ZBTB20: variants seen among roughly 807,000 people sequenced by gnomAD.
ZBTB20 encodes the protein zinc finger and BTB domain containing 20.
In ZBTB20, 9 loss-of-function variants were observed where a neutral mutation model predicts 56.9. The observed-to-expected ratio is 0.16, with a 90% CI of 0.10 to 0.28. The LOEUF is 0.28. ZBTB20 is among the 10% of genes least tolerant of loss of function. The pLI is 1.00. For missense variants in ZBTB20, 655 were observed against 1,003.0 expected, an observed-to-expected ratio of 0.65 and a Z score of 4.69; for synonymous variants, 417 against 420.7, an observed-to-expected ratio of 0.99 and a Z score of 0.11.
At chr3:114,349,460 TGA>T (rs1439183380) in intron 11 of ZBTB20, among the ~76,000 whole-genome samples, 2 of 152,228 alleles carry the variant, frequency 1.3e-5, no homozygotes, top group Non-Finnish European at 2.9e-5. Flanking sequence ...TTGCCCATCT[TGA>T]TGACTGAATC....
intron 6 of ZBTB20, among the ~76,000 whole-genome samples, chr3:114,682,296 T>A (rs2062023300): frequency 6.6e-6 from 1 of 152,206 alleles, no homozygotes; most frequent in Admixed American, 6.5e-5. Flanking sequence ...AAATTACTTC[T>A]AGACGATTGT....
At chr3:114,565,771 C>T (rs895295136) in intron 6 of ZBTB20, among the ~76,000 whole-genome samples, 1 of 152,010 alleles carries the variant, frequency 6.6e-6, no homozygotes, top group Non-Finnish European at 1.5e-5. Flanking sequence ...CTCACCCCAA[C>T]AAAACCTTTT....
chr3:115,006,948 G>C (rs1021277766), intron 2 of ZBTB20, among the ~76,000 whole-genome samples: 1 of 151,584 alleles, frequency 6.6e-6, no homozygotes, highest in Non-Finnish European at 1.5e-5. Flanking sequence ...AAAAACTCGA[G>C]GTAACTTCTT....
rs1175356847 is a variant in ZBTB20 at position 114,318,967 on chromosome 3, C to A, written c.*20038G>T. On this transcript the variant is annotated 3_prime_UTR_variant, in exon 12 of 12. Coordinates refer to ENST00000675478, the MANE Select transcript of ZBTB20 (RefSeq NM_001348800.3). ...TTTTTTCTCTAAAAAAAGAATAAAA[C>A]AAGAACAATCCCTTTACTTACTCAT... is the stretch of plus-strand genomic sequence containing the variant. The A allele has an allele frequency of 3.3e-5, 5 of 151,942 alleles. No individual in the cohort carries two copies. The South Asian group carries it at 1.0e-3, about 32-fold the overall frequency. 9.4% of individuals were successfully genotyped at this position (151,942 alleles called of 1,614,324 possible).
At chr3:114,862,093 T>G (rs1416461238) in intron 4 of ZBTB20, among the ~76,000 whole-genome samples, 2 of 152,184 alleles carry the variant, frequency 1.3e-5, no homozygotes, top group Admixed American at 1.3e-4. Flanking sequence ...CACTGAGGTA[T>G]TTTTTTGGTA....
At chr3:114,967,461 A>G (rs966101958) in intron 3 of ZBTB20, among the ~76,000 whole-genome samples, 3 of 152,196 alleles carry the variant, frequency 2.0e-5, no homozygotes, top group African/African-American at 7.2e-5. Flanking sequence ...TCTTCAGTGT[A>G]CATTTGCAAA....
chr3:114,710,383 C>T (rs559087192), intron 5 of ZBTB20: 1 of 152,238 alleles, frequency 6.6e-6, no homozygotes, highest in South Asian at 2.1e-4. Context: ...TTCCTCTGAA[C>T]TCCTGTCTCA....
intron 2 of ZBTB20, among the ~76,000 whole-genome samples, chr3:114,988,510 T>C (rs1158435249): frequency 1.3e-5 from 2 of 152,114 alleles, no homozygotes; most frequent in Non-Finnish European, 2.9e-5. Flanking sequence ...TTGATGGACA[T>C]TTGGGTTGAT....
intron 9 of ZBTB20, among the ~76,000 whole-genome samples, 153 bp from the exon 10 acceptor site, chr3:114,380,557 GT>G (rs34414918): frequency 1.3e-5 from 2 of 151,496 alleles, no homozygotes; most frequent in South Asian, 4.2e-4. Flanking sequence ...GCTGATTCTT[GT>G]TTTTTTTCCC....
chr3:114,641,006 A>G (rs2059529255), intron 6 of ZBTB20, among the ~76,000 whole-genome samples: 1 of 151,980 alleles, frequency 6.6e-6, no homozygotes. Flanking sequence ...TCTACTATTT[A>G]CTCGGTGTGC....
chr3:115,047,352 A>C (rs1178398253), intron 2 of ZBTB20, among the ~76,000 whole-genome samples: 2 of 152,220 alleles, frequency 1.3e-5, no homozygotes, highest in Non-Finnish European at 2.9e-5. Context: ...AACCAGAGGA[A>C]TCAGGAAGAA....
intron 6 of ZBTB20, among the ~76,000 whole-genome samples, chr3:114,569,836 T>G (rs2053218121): frequency 6.6e-6 from 1 of 151,616 alleles, no homozygotes; most frequent in South Asian, 2.1e-4. Flanking sequence ...CCATCTCTGT[T>G]GCACAGATGA....
chr3:114,693,096 T>G lies in ZBTB20; in HGVS notation c.-295+432A>C, dbSNP rs556556593. On this transcript the variant is annotated intron_variant, in intron 6 of 11. Transcript: ENST00000675478. ...TGTGTTTGGAGGGTTTTGAGTTTTT[T>G]CAAAACATACAATGTTCCACACAGG... Among the ~76,000 whole-genome samples the G allele has an allele frequency of 2.0e-5, 3 of 152,286 alleles. No individual in the cohort carries two copies. The South Asian group carries it at 6.2e-4, about 32-fold the overall frequency.
chr3:114,585,397 A>G (rs1368940623), intron 6 of ZBTB20, among the ~76,000 whole-genome samples: 1 of 152,156 alleles, frequency 6.6e-6, no homozygotes, highest in South Asian at 2.1e-4. Flanking sequence ...GACAAAAACT[A>G]TGTGTAGAGC....
Position 114,536,015 on chromosome 3 carries a change from T to C in ZBTB20, c.-294-35624A>G, listed in dbSNP as rs139874223. 2.3e-3 allele frequency among the ~76,000 whole-genome samples: 343 copies of C among 152,314 alleles called. 4 individuals are homozygous for C. The highest frequency in any genetic ancestry group is 7.9e-3 in the African/African-American group (329 of 41,570). ...ACGTATCTCAAAATAATAAGGGCTATTTATGACAAATCCACAGCCAATACC... is the reference window on the plus strand; with the variant it reads ...ACGTATCTCAAAATAATAAGGGCTACTTATGACAAATCCACAGCCAATACC... On this transcript the variant is annotated intron_variant, in intron 6 of 11. Transcript: ENST00000675478.
intron 6 of ZBTB20, among the ~76,000 whole-genome samples, chr3:114,691,415 A>G (rs2062690309): frequency 6.6e-6 from 1 of 152,052 alleles, no homozygotes. Context: ...CATTATAGTA[A>G]TTTGTTTATA....
At chr3:114,526,025 T>C (rs932768834) in intron 6 of ZBTB20, among the ~76,000 whole-genome samples, 1 of 152,332 alleles carries the variant, frequency 6.6e-6, no homozygotes, top group East Asian at 1.9e-4. Flanking sequence ...AAGATCATCA[T>C]CCTCCTTGAT....
At position 114,994,256 on chromosome 3, in the gene ZBTB20, G is replaced by C. The variant is rs72960367; in HGVS notation, c.-506-19840C>G. 5.9e-3 allele frequency among the ~76,000 whole-genome samples: 897 copies of C among 151,828 alleles called. 12 individuals are homozygous for C. The highest frequency in any genetic ancestry group is 0.021 in the African/African-American group (868 of 41,464). On this transcript the variant is annotated intron_variant, in intron 2 of 11. Coordinates refer to ENST00000675478, the MANE Select transcript of ZBTB20 (RefSeq NM_001348800.3). ...GAAATGTAAGAAAAATATGTAATTA[G>C]AAATAGAAAACCTGAATAAATTTAT... is the stretch of plus-strand genomic sequence containing the variant.
intron 5 of ZBTB20, among the ~76,000 whole-genome samples, chr3:114,727,205 A>C (rs1354921659): frequency 6.6e-6 from 1 of 152,152 alleles, no homozygotes; most frequent in Non-Finnish European, 1.5e-5. Context: ...GCCCAGGCCC[A>C]CCAACCTGGA....
Sources: gnomAD v4.1 joint callset for allele counts (sites outside exome capture counted in the v4.1 genomes callset) on GRCh38, gnomAD v4.1.1 for gene constraint, MANE v1.5 for transcripts, NCBI Gene and HGNC (gene_info 2026-07-23, HGNC 2026-07-21) for gene names.